Variants in LINGO2 observed in about 807,000 individuals in gnomAD.
The protein encoded by LINGO2 is leucine-rich repeat and immunoglobulin-like domain-containing nogo receptor-interacting protein 2.
LINGO2 carries 14 observed loss-of-function variants against 30.6 expected under a neutral mutation model. The observed-to-expected ratio is 0.46, with a 90% confidence interval of 0.30 to 0.72. The LOEUF is 0.72. Among genes scored for constraint, LINGO2 ranks in the 30% least tolerant of loss-of-function variants. The pLI is 0.07. For synonymous variants in LINGO2, 317 were observed against 288.5 expected, an observed-to-expected ratio of 1.10 and a Z score of -1.00; for missense variants, 729 against 751.7, an observed-to-expected ratio of 0.97 and a Z score of 0.35.
At chr9:28,584,740 G>C (rs1033709286) in intron 1 of LINGO2, among the ~76,000 whole-genome samples, 3 of 152,016 alleles carry the variant, frequency 2.0e-5, no homozygotes, top group African/African-American at 7.2e-5. Flanking sequence ...AACATGCAGA[G>C]TCATCATTTA....
the LINGO2 span, among the ~76,000 whole-genome samples, chr9:29,141,223 C>T: frequency 6.6e-6 from 1 of 151,898 alleles, no homozygotes; most frequent in East Asian, 1.9e-4. Flanking sequence ...AAAACTATAA[C>T]TATAAAATAT....
chr9:28,470,047 T>C (rs1011872163), intron 2 of LINGO2, among the ~76,000 whole-genome samples: 4 of 152,156 alleles, frequency 2.6e-5, no homozygotes, highest in African/African-American at 9.7e-5. Flanking sequence ...TATATGTATA[T>C]ATAGACGTAA....
At chr9:29,109,072 A>C in the LINGO2 span, among the ~76,000 whole-genome samples, 1 of 152,212 alleles carries the variant, frequency 6.6e-6, no homozygotes. Context: ...CTACATATTT[A>C]TATATAAGCC....
the LINGO2 span, among the ~76,000 whole-genome samples, chr9:29,023,154 G>A: frequency 6.6e-6 from 1 of 151,980 alleles, no homozygotes; most frequent in East Asian, 1.9e-4. Flanking sequence ...CAACCGCATG[G>A]CCAAAGTAAA....
intron 1 of LINGO2, among the ~76,000 whole-genome samples, chr9:28,562,328 C>A (rs1823133140): frequency 6.6e-6 from 1 of 151,774 alleles, no homozygotes; most frequent in Admixed American, 6.6e-5. Context: ...TGAGCTAAGG[C>A]TTTCCTGACC....
chr9:28,631,549 T>C (rs1411456964), intron 1 of LINGO2, among the ~76,000 whole-genome samples: 2 of 152,114 alleles, frequency 1.3e-5, no homozygotes, highest in African/African-American at 4.8e-5. Flanking sequence ...CAAAGATGGT[T>C]GTAGATGTGT....
At chr9:28,324,488 A>G (rs1443553008) in intron 3 of LINGO2, among the ~76,000 whole-genome samples, 1 of 152,226 alleles carries the variant, frequency 6.6e-6, no homozygotes, top group Non-Finnish European at 1.5e-5. Context: ...GGCACAATGT[A>G]CAGGTCATAA....
chr9:28,713,469 C>T, the LINGO2 span, among the ~76,000 whole-genome samples: 4 of 151,748 alleles, frequency 2.6e-5, no homozygotes, highest in South Asian at 4.1e-4. Flanking sequence ...GCCAAAAGAA[C>T]GTGAGCAAAA....
chr9:28,042,069 A>G (rs1454060555), intron 4 of LINGO2, among the ~76,000 whole-genome samples: 1 of 152,222 alleles, frequency 6.6e-6, no homozygotes, highest in African/African-American at 2.4e-5. Context: ...AATAAAATTT[A>G]CCTACATACA....
chr9:28,601,248 T>C (rs1335677266), intron 1 of LINGO2, among the ~76,000 whole-genome samples: 2 of 152,124 alleles, frequency 1.3e-5, no homozygotes, highest in African/African-American at 4.8e-5. Flanking sequence ...TGTAGAAGCA[T>C]GTGAAAAGAC....
the LINGO2 span, among the ~76,000 whole-genome samples, chr9:28,890,707 T>C: frequency 2.6e-5 from 4 of 152,222 alleles, no homozygotes; most frequent in African/African-American, 9.6e-5. Context: ...TCATATGCTA[T>C]AAAGGTTATT....
At chr9:28,181,510 G>C (rs566615920) in intron 4 of LINGO2, among the ~76,000 whole-genome samples, 1 of 152,132 alleles carries the variant, frequency 6.6e-6, no homozygotes, top group African/African-American at 2.4e-5. Context: ...CAGTGAATTA[G>C]ACATGCCAGT....
intron 4 of LINGO2, among the ~76,000 whole-genome samples, chr9:28,142,157 CT>C (rs3064726): frequency 0.28 from 37,698 of 135,768 alleles, 4,872 homozygotes; most frequent in South Asian, 0.39. Flanking sequence ...CTTTCTTTGT[CT>C]TTTTTTTTTT....
intron 5 of LINGO2, among the ~76,000 whole-genome samples, chr9:27,988,354 G>A (rs1344942681): frequency 6.6e-6 from 1 of 151,856 alleles, no homozygotes; most frequent in African/African-American, 2.4e-5. Flanking sequence ...TAATCCTTTG[G>A]GTATACACCC....
chr9:29,095,084 C>T, the LINGO2 span, among the ~76,000 whole-genome samples: 3 of 138,670 alleles, frequency 2.2e-5, 1 homozygote, highest in East Asian at 7.5e-4. Context: ...TTCATTGTAA[C>T]TCTGTCCTTC....
the LINGO2 span, among the ~76,000 whole-genome samples, chr9:29,145,263 T>A: frequency 6.6e-6 from 1 of 152,176 alleles, no homozygotes; most frequent in African/African-American, 2.4e-5. Flanking sequence ...GTGATCCAGG[T>A]GTAGAGATGG....
chr9:29,144,991 T>C, the LINGO2 span, among the ~76,000 whole-genome samples: 1 of 152,178 alleles, frequency 6.6e-6, no homozygotes, highest in Non-Finnish European at 1.5e-5. Context: ...ATCTGCTTTG[T>C]TTTGGATGCG....
chr9:28,081,301 A>T (rs1172318928), intron 4 of LINGO2, among the ~76,000 whole-genome samples: 2 of 152,170 alleles, frequency 1.3e-5, no homozygotes, highest in Admixed American at 1.3e-4. Context: ...AAAAAAAAAA[A>T]AAAAAAGTTC....
At chr9:28,397,347 G>A (rs1822086637) in intron 2 of LINGO2, among the ~76,000 whole-genome samples, 1 of 115,584 alleles carries the variant, frequency 8.7e-6, no homozygotes, top group Non-Finnish European at 1.7e-5. Context: ...ATGACATGAT[G>A]TTTTGAAGTA....
Sources: gnomAD v4.1 joint callset for allele counts (sites outside exome capture counted in the v4.1 genomes callset) on GRCh38, gnomAD v4.1.1 for gene constraint, MANE v1.5 for transcripts, NCBI Gene and HGNC (gene_info 2026-07-23, HGNC 2026-07-21) for gene names.